The following PLCL1 variants were observed in gnomAD, a reference collection of about 807,000 sequenced individuals.
The protein encoded by PLCL1 is inactive phospholipase C-like protein 1.
PLCL1 carries 41 observed loss-of-function variants against 84.4 expected under a neutral mutation model. The observed-to-expected ratio is 0.49, with a 90% CI of 0.38 to 0.63. The LOEUF (loss-of-function observed/expected upper bound fraction) is 0.63, where lower values mean the gene tolerates loss of function less well. PLCL1 is among the 30% of genes least tolerant of loss of function. PLCL1 has a pLI of 0.00. For synonymous variants in PLCL1, 490 were observed against 488.3 expected (o/e 1.00, Z -0.05); for missense variants, 1,206 against 1,367.8 (o/e 0.88, Z 1.87).
rs78596685 is a variant in PLCL1 at position 197,806,093 on chromosome 2, C to T, written c.240+754C>T. ...CCACTTGGGGCTTGTTTCTTCTGTT[C>T]GAGATTTCCTCTTTTGGGAGCATGA... On this transcript the variant is annotated intron_variant, in intron 1 of 5. Transcript: ENST00000428675. Among the ~76,000 whole-genome samples the T allele has an allele frequency of 6.3e-3, 956 of 152,232 alleles. 17 individuals are homozygous for T. Among genetic ancestry groups the T allele is most frequent in the African/African-American group, 0.022 (894 of 41,522 alleles).
At chr2:197,919,252 T>G (rs1688660606) in intron 1 of PLCL1, among the ~76,000 whole-genome samples, 1 of 152,166 alleles carries the variant, frequency 6.6e-6, no homozygotes, top group African/African-American at 2.4e-5. Context: ...ACAAGAATTG[T>G]TTTGTATTGC....
At chr2:197,973,654 G>T (rs1293007910) in intron 1 of PLCL1, among the ~76,000 whole-genome samples, 2 of 152,160 alleles carry the variant, frequency 1.3e-5, no homozygotes, top group Non-Finnish European at 2.9e-5. Context: ...AGGGAATGGT[G>T]GGGAGGAGCT....
intron 1 of PLCL1, among the ~76,000 whole-genome samples, chr2:197,920,242 C>T (rs944862243): frequency 6.6e-6 from 1 of 151,822 alleles, no homozygotes; most frequent in Non-Finnish European, 1.5e-5. Context: ...GACAGCTGTT[C>T]CACAGACTGT....
At chr2:198,037,774 A>G (rs1385731536) in intron 1 of PLCL1, among the ~76,000 whole-genome samples, 1 of 152,204 alleles carries the variant, frequency 6.6e-6, no homozygotes, top group Non-Finnish European at 1.5e-5. Flanking sequence ...GAGTGTAAAT[A>G]TAAAGAGTTA....
intron 3 of PLCL1, among the ~76,000 whole-genome samples, chr2:198,094,538 C>T (rs1488596194): frequency 6.6e-6 from 1 of 152,122 alleles, no homozygotes; most frequent in Non-Finnish European, 1.5e-5. Flanking sequence ...TTAAAGTATA[C>T]GTTTTCTGTC....
chr2:197,833,948 G>C (rs1395263757), intron 1 of PLCL1, among the ~76,000 whole-genome samples: 1 of 152,162 alleles, frequency 6.6e-6, no homozygotes, highest in East Asian at 1.9e-4. Flanking sequence ...AAACAGCATG[G>C]TACTGGTACC....
rs887544681 is a variant in PLCL1 at position 197,873,889 on chromosome 2, T to C, written c.240+68550T>C. On this transcript the variant is annotated intron_variant, in intron 1 of 5. Transcript: ENST00000428675. Reference sequence around the variant, plus strand: ...TGCTACTTGTTTGTTTGCTTATTTTTTGTTGGAAACCCAGTGTAGTTCATT... The same window carrying C: ...TGCTACTTGTTTGTTTGCTTATTTTCTGTTGGAAACCCAGTGTAGTTCATT... Among the ~76,000 whole-genome samples, 17 of 152,200 alleles carry C rather than the reference T, an allele frequency of 1.1e-4. 1 individual carries two copies. Among genetic ancestry groups the C allele is most frequent in the Admixed American group, 9.2e-4 (14 of 15,276 alleles).
intron 1 of PLCL1, among the ~76,000 whole-genome samples, chr2:197,906,283 C>A (rs1231959022): frequency 2.8e-4 from 42 of 150,412 alleles, no homozygotes; most frequent in Non-Finnish European, 2.2e-4. Flanking sequence ...TTTCTGAATG[C>A]CAGTTTTCCC....
At chr2:197,895,293 A>G (rs1278938043) in intron 1 of PLCL1, among the ~76,000 whole-genome samples, 1 of 152,020 alleles carries the variant, frequency 6.6e-6, no homozygotes, top group East Asian at 1.9e-4. Flanking sequence ...AGAGAAAGTA[A>G]AAGGTGCCAT....
At chr2:197,816,548 A>G (rs1690692963) in intron 1 of PLCL1, among the ~76,000 whole-genome samples, 1 of 152,270 alleles carries the variant, frequency 6.6e-6, no homozygotes, top group African/African-American at 2.4e-5. Context: ...CTTCTTTACC[A>G]TGAAGCAAGA....
chr2:197,993,097 A>G (rs988341999), intron 1 of PLCL1, among the ~76,000 whole-genome samples: 53 of 152,190 alleles, frequency 3.5e-4, no homozygotes, highest in Non-Finnish European at 1.5e-4. Context: ...ACTGTCTTCC[A>G]TAGTGGCGGT....
At chr2:197,872,741 T>A (rs1349822349) in intron 1 of PLCL1, among the ~76,000 whole-genome samples, 1 of 152,126 alleles carries the variant, frequency 6.6e-6, no homozygotes, top group Non-Finnish European at 1.5e-5. Flanking sequence ...TGATTACAAT[T>A]GTAATTATAT....
chr2:198,129,819 T>G (rs929690960), intron 5 of PLCL1, among the ~76,000 whole-genome samples: 46 of 151,916 alleles, frequency 3.0e-4, no homozygotes, highest in African/African-American at 1.1e-3. Flanking sequence ...CTTCCTTACC[T>G]CCCACTCACT....
At chr2:198,146,355 A>G (rs1694515741) in intron 5 of PLCL1, among the ~76,000 whole-genome samples, 1 of 152,096 alleles carries the variant, frequency 6.6e-6, no homozygotes, top group African/African-American at 2.4e-5. Flanking sequence ...TCTTGTACAG[A>G]GGGGGAGATT....
chr2:198,120,548 C>T (rs531966821), intron 5 of PLCL1, among the ~76,000 whole-genome samples: 3 of 151,916 alleles, frequency 2.0e-5, no homozygotes, highest in Non-Finnish European at 4.4e-5. Context: ...TTTTAGCTCC[C>T]ACAAATAACT....
intron 1 of PLCL1, among the ~76,000 whole-genome samples, chr2:198,040,504 C>T (rs1559083061): frequency 6.6e-6 from 1 of 152,142 alleles, no homozygotes; most frequent in Non-Finnish European, 1.5e-5. Context: ...AGGAACCCAG[C>T]TGTCAGCAAT....
intron 1 of PLCL1, among the ~76,000 whole-genome samples, chr2:197,948,954 A>G (rs1225493563): frequency 6.6e-6 from 1 of 152,124 alleles, no homozygotes; most frequent in East Asian, 1.9e-4. Context: ...GCCCTTTGTC[A>G]TGAGCCAGTA....
chr2:198,096,970 T>C (rs779940081), intron 3 of PLCL1, among the ~76,000 whole-genome samples: 20 of 152,210 alleles, frequency 1.3e-4, no homozygotes, highest in Non-Finnish European at 2.4e-4. Context: ...GTTATGTCTA[T>C]AGTTCCCCGA....
chr2:197,900,353 T>C (rs559038938), intron 1 of PLCL1, among the ~76,000 whole-genome samples: 1 of 152,294 alleles, frequency 6.6e-6, no homozygotes, highest in East Asian at 1.9e-4. Flanking sequence ...ATCATGATTG[T>C]TTTCATAAGA....
Sources: allele counts gnomAD v4.1 joint callset (sites outside exome capture counted in the v4.1 genomes callset), GRCh38; gene constraint gnomAD v4.1.1; transcripts MANE v1.5; gene names NCBI Gene and HGNC (gene_info 2026-07-23, HGNC 2026-07-21).